SBNO2: variants seen among roughly 807,000 people sequenced by gnomAD.
SBNO2 encodes strawberry notch homolog 2, also known as protein strawberry notch homolog 2.
Under a neutral mutation model 146.3 loss-of-function variants are expected in SBNO2, and 89 were observed. The observed-to-expected ratio is 0.61, with a 90% CI of 0.51 to 0.73. The LOEUF is 0.73. SBNO2 is among the 30% of genes least tolerant of loss of function. The pLI is 0.00. For synonymous variants in SBNO2, 1,147 were observed against 892.6 expected (o/e 1.29, Z -5.08); for missense variants, 2,092 against 2,003.7 (o/e 1.04, Z -0.84).
Position 1,110,961 on chromosome 19 carries a change from C to G in SBNO2, c.2884+58G>C. On this transcript the variant is annotated intron_variant, in intron 25 of 31. Coordinates refer to ENST00000361757, the MANE Select transcript of SBNO2 (RefSeq NM_014963.3). The surrounding 1 kb of genome is among the most constrained non-coding windows in gnomAD (Gnocchi z 4.9). ...CCCTGCTTTGCTCACCACCCGAGGCCAAGGTTGCATGAGATGAGAGACAGG... is the reference window on the plus strand; with the variant it reads ...CCCTGCTTTGCTCACCACCCGAGGCGAAGGTTGCATGAGATGAGAGACAGG... 1.2e-6 allele frequency: 2 copies of G among 1,610,540 alleles called. No homozygotes were observed. The highest frequency in any genetic ancestry group is 1.7e-6 in the Non-Finnish European group (2 of 1,177,818).
rs146082276 is a variant in SBNO2 at position 1,128,924 on chromosome 19, G to A, written c.280-1159C>T. ...GTCAAGGCTGCAGTGAGCTGTTACT[G>A]CACAACTACATTCCAGCCTGGGTGA... is the stretch of plus-strand genomic sequence containing the variant. On this transcript the variant is annotated intron_variant, in intron 4 of 31. Transcript: ENST00000361757. 6.0e-3 allele frequency among the ~76,000 whole-genome samples: 906 copies of A among 149,990 alleles called. 5 individuals carry two copies. The highest frequency in any genetic ancestry group is 0.021 in the African/African-American group (872 of 40,690).
Position 1,154,256 on chromosome 19 carries a change from G to A in SBNO2, c.21C>T (p.Ala7=), listed in dbSNP as rs2080268575. The change falls in exon 2 of 32, where the codon GCC becomes GCT. Residue 7 remains alanine (A), a synonymous_variant. Coordinates refer to ENST00000361757, the MANE Select transcript of SBNO2 (RefSeq NM_014963.3). MLAVGP[A]MDRDYPQHEP... The stretch of plus-strand genomic sequence containing the variant: ...CATGCTGCGGGTAATCCCTGTCCAT[G>A]GCGGGCCCCACTGCAAGCATCGGGC... 1 of 1,268,104 alleles carries A rather than the reference G, an allele frequency of 7.9e-7. No homozygotes were observed. Among genetic ancestry groups the A allele is most frequent in the Admixed American group, 3.6e-5 (1 of 27,862 alleles). The allele number at this position is 1,268,104 out of a possible 1,614,324, so 78.6% of individuals were successfully genotyped here. A position where few individuals can be genotyped will look rare whatever the true frequency, so the allele number is the denominator to read the frequency against.
At position 1,112,284 on chromosome 19, in the gene SBNO2, T is replaced by A; in HGVS notation, c.2533A>T (p.Asn845Tyr). The change falls in exon 22 of 32, where the codon AAC becomes TAC. Residue 845 changes from asparagine (N) to tyrosine (Y), a missense_variant. Asn to Tyr is a moderately radical substitution (Grantham distance 143, BLOSUM62 -2). Transcript: ENST00000361757. This position sits in a 1 kb window ranked among gnomAD's most constrained non-coding sequence, Gnocchi z 5.9. ...ACATACTCTGGCGCGGAGACCTGGTTGGACCGGTGGGTGCGGCCTGGGGGC... is the reference window on the plus strand; with the variant it reads ...ACATACTCTGGCGCGGAGACCTGGTAGGACCGGTGGGTGCGGCCTGGGGGC... ...IQQFGRTHRS[N>Y]QVSAPEYVFL... 6.3e-7 allele frequency: 1 copy of A among 1,587,040 alleles called. No individual in the cohort carries two copies. The highest frequency in any genetic ancestry group is 8.6e-7 in the Non-Finnish European group (1 of 1,167,558).
At chr19:1,127,166 T>C (rs1266569583) in intron 5 of SBNO2, among the ~76,000 whole-genome samples, 2 of 152,182 alleles carry the variant, frequency 1.3e-5, no homozygotes. Context: ...GACAGCCACA[T>C]TGCCTGGGCC....
chr19:1,120,273 C>T (rs8099951), intron 11 of SBNO2: 114,628 of 497,270 alleles, frequency 0.23, 15,791 homozygotes, highest in African/African-American at 0.47. Context: ...CAACACACAC[C>T]GAGGATGGGG....
Position 1,109,531 on chromosome 19 carries a change from TA to T in SBNO2, c.3190del (p.Tyr1064MetfsTer71), listed in dbSNP as rs760373037. 6.2e-7 allele frequency: 1 copy of T among 1,600,560 alleles called. No individual in the cohort carries two copies. Among genetic ancestry groups the T allele is most frequent in the Admixed American group, 1.7e-5 (1 of 58,448 alleles). ...CTTGTAGGAGAGGTAGAAGCCGTCATAGGGGCCCGTCAGCGCCAGCGACTTG... is the reference window on the plus strand; with the variant it reads ...CTTGTAGGAGAGGTAGAAGCCGTCATGGGGCCCGTCAGCGCCAGCGACTTG... The part of the protein sequence containing the change: ...FAKSLALTGP[Y>X]DGFYLSYKVR... On this transcript the variant is annotated frameshift_variant, in exon 28 of 32. Coordinates refer to ENST00000361757, the MANE Select transcript of SBNO2 (RefSeq NM_014963.3). LOFTEE classifies it high-confidence loss of function. The surrounding 1 kb of genome is among the most constrained non-coding windows in gnomAD (Gnocchi z 4.2).
At chr19:1,163,246 TAAGAG>T (rs754274543) in intron 1 of SBNO2, among the ~76,000 whole-genome samples, 9 of 152,106 alleles carry the variant, frequency 5.9e-5, no homozygotes, top group Non-Finnish European at 1.0e-4. Context: ...CTCATGTCCT[TAAGAG>T]AAAAGAGGAA....
At chr19:1,154,797 C>G (rs1400545280) in intron 1 of SBNO2, among the ~76,000 whole-genome samples, 1 of 152,182 alleles carries the variant, frequency 6.6e-6, no homozygotes, top group African/African-American at 2.4e-5. Context: ...CCAACCCGGG[C>G]CCGGCACCCA....
In SBNO2 at chr19:1,166,775, C is replaced by T. The variant is rs552199628; in HGVS notation, c.-127+7397G>A. Among the ~76,000 whole-genome samples, 36 of 152,346 alleles carry T rather than the reference C, an allele frequency of 2.4e-4. No homozygotes were observed. The South Asian group carries it at 5.2e-3, about 22-fold the overall frequency. ...TAAATCCCCACTCACTCCAGACTTC[C>T]GGTCCTTTGAAATGGAGGTGCCCTT... is the stretch of plus-strand genomic sequence containing the variant. On this transcript the variant is annotated intron_variant, in intron 1 of 31. Coordinates refer to ENST00000361757, the MANE Select transcript of SBNO2 (RefSeq NM_014963.3).
chr19:1,112,299 G>A lies in SBNO2; in HGVS notation c.2518C>T (p.Arg840Cys). 3 of 1,582,002 alleles carry A rather than the reference G, an allele frequency of 1.9e-6. No homozygotes were observed. The highest frequency in any genetic ancestry group is 2.6e-6 in the Non-Finnish European group (3 of 1,165,282). The change falls in exon 22 of 32, where the codon CGC becomes TGC. Residue 840 changes from arginine (R) to cysteine (C), a missense_variant and splice_region_variant. Arg to Cys is a radical substitution (Grantham distance 180). Transcript: ENST00000361757. This position sits in a 1 kb window ranked among gnomAD's most constrained non-coding sequence, Gnocchi z 5.9. ...GAGACCTGGTTGGACCGGTGGGTGC[G>A]GCCTGGGGGCAGAGCTGCTCTCAGG... The part of the protein sequence containing the change: ...SADRAIQQFG[R>C]THRSNQVSAP...
At chr19:1,120,340 GGA>G (rs2079886138) in intron 11 of SBNO2, among the ~76,000 whole-genome samples, 1 of 152,186 alleles carries the variant, frequency 6.6e-6, no homozygotes, top group Non-Finnish European at 1.5e-5. Context: ...CGTTGCCATC[GGA>G]GGAGGATACC....
At chr19:1,145,695 C>A (rs377520486) in intron 4 of SBNO2, among the ~76,000 whole-genome samples, 1 of 152,128 alleles carries the variant, frequency 6.6e-6, no homozygotes, top group Non-Finnish European at 1.5e-5. Context: ...GATGCCAGCT[C>A]TGGACAGGCG....
chr19:1,131,997 G>A (rs1435690285), intron 4 of SBNO2: 1 of 923,304 alleles, frequency 1.1e-6, no homozygotes, highest in Non-Finnish European at 1.5e-6. Context: ...GATGCCGGCT[G>A]CTCCGGCAGG....
At chr19:1,117,527 T>C (rs1283729381) in intron 14 of SBNO2, 28 bp from the exon 15 acceptor site, 2 of 1,541,486 alleles carry the variant, frequency 1.3e-6, no homozygotes, top group Non-Finnish European at 1.8e-6. Context: ...AAGGCGCCCC[T>C]GAGCTGTGGC....
Position 1,173,585 on chromosome 19 carries a change from G to T in SBNO2, c.-127+587C>A. 6.5e-6 allele frequency: 1 copy of T among 152,676 alleles called. No homozygotes were observed. The allele number at this position is 152,676 out of a possible 1,614,324, so 9.5% of individuals were successfully genotyped here. On this transcript the variant is annotated intron_variant, in intron 1 of 31. Transcript: ENST00000361757. The surrounding 1 kb of genome is among the most constrained non-coding windows in gnomAD (Gnocchi z 4.7). Reference sequence around the variant, plus strand: ...AGGGTCCTGGGACCGGGGACAAGGAGGAGGAAGGGGCACGAACGCCCGAGG... The same window carrying T: ...AGGGTCCTGGGACCGGGGACAAGGATGAGGAAGGGGCACGAACGCCCGAGG...
chr19:1,156,380 C>T (rs1216099497), intron 1 of SBNO2, among the ~76,000 whole-genome samples: 1 of 152,104 alleles, frequency 6.6e-6, no homozygotes, highest in African/African-American at 2.4e-5. Flanking sequence ...GGCAGGAGAA[C>T]AATGCGGACA....
Position 1,111,596 on chromosome 19 carries a change from G to A in SBNO2, c.2719C>T (p.His907Tyr), listed in dbSNP as rs1311314752. 6.3e-7 allele frequency: 1 copy of A among 1,589,614 alleles called. No homozygotes were observed. Among genetic ancestry groups the A allele is most frequent in the Non-Finnish European group, 8.6e-7 (1 of 1,168,374 alleles). ...CTCAGGATGGTGGTGAGGACACAGT[G>A]CAGGGCCCGGGTGCCATACTAGGGG... ...FENKYGTRAL[H>Y]CVLTTILSQT... The change falls in exon 24 of 32, where the codon CAC (histidine) becomes TAC (tyrosine). Residue 907 changes from histidine (H) to tyrosine (Y), a missense_variant. Coordinates refer to ENST00000361757, the MANE Select transcript of SBNO2 (RefSeq NM_014963.3).
rs1383869945 is a variant in SBNO2 at position 1,157,026 on chromosome 19, T to C, written c.-126-2624A>G. ...GCCAGCCCCCCATCGCCTCCCACCC[T>C]GTCCTCGGCCATATCTCACAACCCC... is the stretch of plus-strand genomic sequence containing the variant. On this transcript the variant is annotated intron_variant, in intron 1 of 31. Transcript: ENST00000361757. This position sits in a 1 kb window ranked among gnomAD's most constrained non-coding sequence, Gnocchi z 6.8. Among the ~76,000 whole-genome samples the C allele has an allele frequency of 4.2e-5, 4 of 95,728 alleles. No homozygotes were observed. Among genetic ancestry groups the C allele is most frequent in the African/African-American group, 1.2e-4 (4 of 32,552 alleles). The allele number at this position is 95,728 out of a possible 152,430, so 62.8% of individuals were successfully genotyped here.
At position 1,108,358 on chromosome 19, in the gene SBNO2, G is replaced by A; in HGVS notation, c.3963C>T (p.Arg1321=). Residue 1321 remains arginine (R), a synonymous_variant, in exon 32 of 32, where the codon CGC becomes CGT. Transcript: ENST00000361757. The part of the protein sequence containing the change: ...NFKEVLEDML[R]SLHAGPPSEG... ...CGGAGGGCGGCCCCGCGTGCAGCGA[G>A]CGCAGCATGTCCTCCAGCACCTCCT... is the stretch of plus-strand genomic sequence containing the variant. 3.9e-6 allele frequency: 5 copies of A among 1,296,836 alleles called. No homozygotes were observed. The highest frequency in any genetic ancestry group is 1.6e-5 in the African/African-American group (1 of 62,184). 80.3% of individuals were successfully genotyped at this position (1,296,836 alleles called of 1,614,324 possible).
Sources: allele counts gnomAD v4.1 joint callset (sites outside exome capture counted in the v4.1 genomes callset), GRCh38; gene constraint gnomAD v4.1.1; non-coding constraint Gnocchi (gnomAD v3.1); transcripts MANE v1.5; gene names NCBI Gene and HGNC (gene_info 2026-07-23, HGNC 2026-07-21).